Variants in WWOX observed in about 807,000 individuals in gnomAD.
WWOX encodes WW domain-containing oxidoreductase.
In WWOX, 69 loss-of-function variants were observed where a neutral mutation model predicts 46.2. The observed-to-expected ratio is 1.49, with a 90% confidence interval of 1.23 to 1.82. WWOX has a LOEUF of 1.82. Among genes scored for constraint, WWOX ranks in the 40% most tolerant of loss-of-function variants. The pLI is 0.00. For synonymous variants in WWOX, 359 were observed against 202.6 expected (o/e 1.77, Z -6.56); for missense variants, 919 against 542.6 (o/e 1.69, Z -6.89).
At chr16:78,316,931 A>C (rs148184029) in intron 5 of WWOX, among the ~76,000 whole-genome samples, 1 of 152,342 alleles carries the variant, frequency 6.6e-6, no homozygotes, top group Non-Finnish European at 1.5e-5. Context: ...TCGTTTTTCC[A>C]ACAAACTTTT....
chr16:78,170,307 A>G (rs186870865), intron 5 of WWOX, among the ~76,000 whole-genome samples: 248 of 152,320 alleles, frequency 1.6e-3, no homozygotes, highest in African/African-American at 5.3e-3. Flanking sequence ...CATCTGTAAA[A>G]TGCACATCAT....
chr16:79,066,480 G>T (rs746564777), intron 8 of WWOX, among the ~76,000 whole-genome samples: 1 of 152,060 alleles, frequency 6.6e-6, no homozygotes, highest in Non-Finnish European at 1.5e-5. Context: ...AAGGAAAGAA[G>T]GACAGAAGGA....
At chr16:79,175,089 C>G (rs1303673279) in intron 8 of WWOX, among the ~76,000 whole-genome samples, 1 of 152,192 alleles carries the variant, frequency 6.6e-6, no homozygotes, top group East Asian at 1.9e-4. Context: ...GTGCAGATCA[C>G]TTCTCTAGTG....
chr16:78,371,863 A>G (rs2081698155), intron 5 of WWOX, among the ~76,000 whole-genome samples: 1 of 152,176 alleles, frequency 6.6e-6, no homozygotes, highest in Admixed American at 6.5e-5. Flanking sequence ...TTAGGTAGGC[A>G]AGGATAGCTG....
chr16:79,099,854 T>C (rs137977753), intron 8 of WWOX, among the ~76,000 whole-genome samples: 2 of 152,230 alleles, frequency 1.3e-5, no homozygotes, highest in East Asian at 1.9e-4. Context: ...GTAGGAGATA[T>C]ATAGAAACAG....
chr16:78,694,910 G>T (rs1256378742), intron 8 of WWOX, among the ~76,000 whole-genome samples: 1 of 151,840 alleles, frequency 6.6e-6, no homozygotes, highest in East Asian at 1.9e-4. Context: ...CTTGAGGTAG[G>T]TCCTTCAGTT....
At chr16:78,691,595 C>G (rs914235052) in intron 8 of WWOX, among the ~76,000 whole-genome samples, 5 of 152,124 alleles carry the variant, frequency 3.3e-5, no homozygotes, top group Non-Finnish European at 5.9e-5. Flanking sequence ...GAAGTCCCAG[C>G]TAACTGGGAG....
intron 8 of WWOX, among the ~76,000 whole-genome samples, chr16:78,737,500 T>G (rs562565226): frequency 6.6e-6 from 1 of 152,182 alleles, no homozygotes; most frequent in Admixed American, 6.5e-5. Context: ...ATAAGTTCTT[T>G]AGTGATGATT....
At chr16:78,138,119 A>G (rs1040451744) in intron 4 of WWOX, among the ~76,000 whole-genome samples, 3 of 150,680 alleles carry the variant, frequency 2.0e-5, no homozygotes, top group Non-Finnish European at 4.4e-5. Flanking sequence ...CATCCTCTTC[A>G]CGAGAGCTGA....
At chr16:78,722,522 A>C (rs1184082115) in intron 8 of WWOX, among the ~76,000 whole-genome samples, 4 of 152,028 alleles carry the variant, frequency 2.6e-5, no homozygotes, top group Admixed American at 6.6e-5. Flanking sequence ...ATCATATTTT[A>C]TTTCATGGAG....
intron 8 of WWOX, among the ~76,000 whole-genome samples, chr16:78,911,539 C>T (rs530895045): frequency 2.0e-5 from 3 of 151,910 alleles, no homozygotes; most frequent in Admixed American, 2.0e-4. Context: ...TGAAATAAGA[C>T]TCTTAGGAAA....
In WWOX at chr16:78,149,834, G is replaced by T. The variant is rs570049155; in HGVS notation, c.410-14349G>T. Among the ~76,000 whole-genome samples the T allele has an allele frequency of 1.6e-4, 24 of 152,272 alleles. No homozygotes were observed. The South Asian group carries it at 4.4e-3, about 28-fold the overall frequency. On this transcript the variant is annotated intron_variant, in intron 4 of 8. Coordinates refer to ENST00000566780, the MANE Select transcript of WWOX (RefSeq NM_016373.4). The stretch of plus-strand genomic sequence containing the variant: ...AGGCTGGTTTCTCCTGCCTCCAGGA[G>T]CTGCTTCTAGTGTGTGCTCTTAACC...
chr16:78,413,093 C>G (rs960769022), intron 6 of WWOX, among the ~76,000 whole-genome samples: 3 of 152,118 alleles, frequency 2.0e-5, no homozygotes, highest in African/African-American at 7.2e-5. Flanking sequence ...CTGGACAGAG[C>G]TGATTTATCA....
intron 5 of WWOX, among the ~76,000 whole-genome samples, chr16:78,326,276 G>C (rs2080611743): frequency 6.6e-6 from 1 of 152,202 alleles, no homozygotes; most frequent in Admixed American, 6.5e-5. Flanking sequence ...GATGCTTTAT[G>C]TTAAGTGTGC....
intron 4 of WWOX, chr16:78,123,456 T>TTTTTTTTTTTTTTTTTTTTTTTTTTTG (rs2033215930): frequency 3.5e-4 from 5 of 14,436 alleles, no homozygotes; most frequent in African/African-American, 6.9e-4. Context: ...TTTTTTTTTG[T>TTTTTTTTTTTTTTTTTTTTTTTTTTTG]TTTTTTTTTT....
In WWOX at chr16:79,211,995, G is replaced by A; in HGVS notation, c.*199G>A. On this transcript the variant is annotated 3_prime_UTR_variant, in exon 9 of 9. Transcript: ENST00000566780. ...TCCTGGGGTAAAGTATCACTTTTCTGGGGCTGGGCTAGGCATAGGTCTCTT... is the reference window on the plus strand; with the variant it reads ...TCCTGGGGTAAAGTATCACTTTTCTAGGGCTGGGCTAGGCATAGGTCTCTT... The A allele has an allele frequency of 1.3e-6, 2 of 1,536,062 alleles. No homozygotes were observed. Among genetic ancestry groups the A allele is most frequent in the South Asian group, 1.2e-5 (1 of 84,062 alleles).
chr16:79,182,716 T>C (rs1461828361), intron 8 of WWOX, among the ~76,000 whole-genome samples: 2 of 152,202 alleles, frequency 1.3e-5, no homozygotes, highest in African/African-American at 2.4e-5. Context: ...TTACTATAAA[T>C]ATGGGATAAT....
intron 5 of WWOX, among the ~76,000 whole-genome samples, chr16:78,229,966 AC>A (rs2037198801): frequency 1.3e-5 from 2 of 151,800 alleles, no homozygotes; most frequent in African/African-American, 4.8e-5. Flanking sequence ...TGCAGCCTCG[AC>A]CTCTGGGGCT....
rs117901890 is a variant in WWOX at position 78,801,471 on chromosome 16, C to T, written c.1056+368719C>T. On this transcript the variant is annotated intron_variant, in intron 8 of 8. Transcript: ENST00000566780. ...TTGCAGTAAGCTGATATCATGTCAC[C>T]GCACTCCAACCTGGGTGACAAGGCT... Among the ~76,000 whole-genome samples, 145 of 152,186 alleles carry T rather than the reference C, an allele frequency of 9.5e-4. 2 individuals carry two copies. In the East Asian group the frequency reaches 0.026, roughly 27 times the overall value.
Sources: allele counts gnomAD v4.1 joint callset (sites outside exome capture counted in the v4.1 genomes callset), GRCh38; gene constraint gnomAD v4.1.1; transcripts MANE v1.5; gene names NCBI Gene and HGNC (gene_info 2026-07-23, HGNC 2026-07-21).